The following FREM1 variants were observed in gnomAD, a reference collection of about 807,000 sequenced individuals.
FREM1 encodes FRAS1-related extracellular matrix protein 1.
FREM1 carries 220 observed loss-of-function variants against 210.1 expected under a neutral mutation model. The observed-to-expected ratio is 1.05, with a 90% CI of 0.94 to 1.17. FREM1 has a LOEUF of 1.17. FREM1 is among the 50% of genes most tolerant of loss of function. The pLI is 0.00. For missense variants in FREM1, 3,454 were observed against 2,675.5 expected, an observed-to-expected ratio of 1.29 and a Z score of -6.42; for synonymous variants, 1,189 against 980.2, an observed-to-expected ratio of 1.21 and a Z score of -3.98.
chr9:14,760,769 G>A (rs769979630), intron 27 of FREM1, among the ~76,000 whole-genome samples: 1 of 152,106 alleles, frequency 6.6e-6, no homozygotes, highest in Non-Finnish European at 1.5e-5. Flanking sequence ...CTCCCCAACT[G>A]AAGTTCTTTG....
rs557030618 is a variant in FREM1, at chr9:14,898,464, G to A, written c.-268+11450C>T. 3.3e-5 allele frequency among the ~76,000 whole-genome samples: 5 copies of A among 152,268 alleles called. 1 individual carries two copies. Among genetic ancestry groups the A allele is most frequent in the Admixed American group, 2.0e-4 (3 of 15,296 alleles). ...TTGTCAGAACCCATAGAATGCAGCC[G>A]GGTGTGGTGGCTCACACATGCAATT... On this transcript the variant is annotated intron_variant, in intron 1 of 36. Transcript: ENST00000380880.
chr9:14,851,184 G>T, intron 6 of FREM1, 100 bp downstream of exon 6: 1 of 830,248 alleles, frequency 1.2e-6, no homozygotes, highest in Non-Finnish European at 1.9e-6. Flanking sequence ...TCTTTTCTGA[G>T]GCAATGAATG....
At chr9:14,774,992 A>T (rs954014612) in intron 25 of FREM1, among the ~76,000 whole-genome samples, 2 of 152,216 alleles carry the variant, frequency 1.3e-5, no homozygotes, top group Non-Finnish European at 2.9e-5. Context: ...CACTAAAGGA[A>T]CTGCAATTGC....
intron 5 of FREM1, among the ~76,000 whole-genome samples, chr9:14,857,187 G>C (rs1828920314): frequency 6.6e-6 from 1 of 151,996 alleles, no homozygotes; most frequent in Non-Finnish European, 1.5e-5. Flanking sequence ...TGGACCCCCT[G>C]ATTTCAAGAA....
chr9:14,788,981 CA>C lies in FREM1; in HGVS notation c.4114del (p.Trp1372GlyfsTer41). ...QNQDSFTFYL[W>X]DGNNRSPALD... The stretch of plus-strand genomic sequence containing the variant: ...AGCAGGGGACCTGTTGTTGCCATCC[CA>C]AAGGTAGAAGGTGAAGCTATCTTGA... On this transcript the variant is annotated frameshift_variant, in exon 23 of 37. Transcript: ENST00000380880. LOFTEE classifies it high-confidence loss of function. 6.2e-7 allele frequency: 1 copy of C among 1,613,054 alleles called. No homozygotes were observed.
rs1564039248 is a variant in FREM1 at position 14,836,514 on chromosome 9, G to A, written c.1881+4933C>T. ...AATTATTAACAGGCTCAGGGAAAAT[G>A]CCGGCTTCAGCCCTGGGCGGCTACA... On this transcript the variant is annotated intron_variant, in intron 10 of 36. Transcript: ENST00000380880. This position sits in a 1 kb window ranked among gnomAD's most constrained non-coding sequence, Gnocchi z 4.9. Among the ~76,000 whole-genome samples, 1 of 152,164 alleles carries A rather than the reference G, an allele frequency of 6.6e-6. No homozygotes were observed. Among genetic ancestry groups the A allele is most frequent in the Non-Finnish European group, 1.5e-5 (1 of 68,028 alleles).
At position 14,841,433 on chromosome 9, in the gene FREM1, A is replaced by G; in HGVS notation, c.1881+14T>C. 1 of 1,579,480 alleles carries G rather than the reference A, an allele frequency of 6.3e-7. No individual in the cohort carries two copies. Among genetic ancestry groups the G allele is most frequent in the Non-Finnish European group, 8.6e-7 (1 of 1,156,718 alleles). On this transcript the variant is annotated intron_variant, in intron 10 of 36. Transcript: ENST00000380880. ...CACAAGACTTTGGGAAAGTGTTCAG[A>G]AACAGTCTCTTACCTGTGGCACTGA...
At chr9:14,809,130 G>A (rs557139579) in intron 16 of FREM1, among the ~76,000 whole-genome samples, 8 of 152,300 alleles carry the variant, frequency 5.3e-5, no homozygotes, top group African/African-American at 1.9e-4. Flanking sequence ...AGTCTCATGA[G>A]ATCCAATGGT....
At chr9:14,864,554 C>G (rs1316017479) in intron 2 of FREM1, among the ~76,000 whole-genome samples, 1 of 152,166 alleles carries the variant, frequency 6.6e-6, no homozygotes, top group African/African-American at 2.4e-5. Context: ...GCAATTTCCT[C>G]TATTCAAATA....
At chr9:14,885,615 T>C (rs1835675636) in intron 1 of FREM1, among the ~76,000 whole-genome samples, 1 of 151,918 alleles carries the variant, frequency 6.6e-6, no homozygotes, top group Non-Finnish European at 1.5e-5. Flanking sequence ...GGGATGGGAG[T>C]CTCACAATGT....
At chr9:14,853,887 G>A (rs557310652) in intron 5 of FREM1, among the ~76,000 whole-genome samples, 24 of 152,310 alleles carry the variant, frequency 1.6e-4, no homozygotes, top group Middle Eastern at 3.4e-3. Flanking sequence ...TTAATGCTAA[G>A]ACCAATTGAG....
chr9:14,875,234 G>C (rs940616748), intron 1 of FREM1, among the ~76,000 whole-genome samples: 1 of 152,164 alleles, frequency 6.6e-6, no homozygotes, highest in South Asian at 2.1e-4. Flanking sequence ...GATTGGGGAA[G>C]TTTTCCTGGA....
At chr9:14,873,865 T>G (rs13293334) in intron 1 of FREM1, among the ~76,000 whole-genome samples, 17 of 152,312 alleles carry the variant, frequency 1.1e-4, no homozygotes, top group South Asian at 1.0e-3. Context: ...CTGGTATGTT[T>G]TGTCTTTGTT....
chr9:14,788,919 C>T lies in FREM1; in HGVS notation c.4177G>A (p.Gly1393Ser). 6.2e-7 allele frequency: 1 copy of T among 1,608,894 alleles called. No individual in the cohort carries two copies. Among genetic ancestry groups the T allele is most frequent in the South Asian group, 1.1e-5 (1 of 89,772 alleles). The change falls in exon 23 of 37, where the codon GGT becomes AGT. Residue 1393 changes from glycine (G) to serine (S), a missense_variant and splice_region_variant. Physicochemically the swap from Gly to Ser is moderately conservative, Grantham distance 56. Coordinates refer to ENST00000380880, the MANE Select transcript of FREM1 (RefSeq NM_001379081.2). The part of the protein sequence containing the change: ...CQITIKDMEK[G>S]DIVILTKPLV... ...TAAACCTTGGTAGACGTGCTTTTAC[C>T]TTTTTCCATGTCCTTGATGGTGATT...
Position 14,801,890 on chromosome 9 carries a change from T to C in FREM1, c.3472-16A>G, listed in dbSNP as rs1344596019. ...CCTCACACACCTGAGCAAGAACACA[T>C]GAGAAAAGTCAACAATGCATAAAAG... On this transcript the variant is annotated splice_polypyrimidine_tract_variant and intron_variant, in intron 19 of 36. Transcript: ENST00000380880. 6.4e-7 allele frequency: 1 copy of C among 1,574,654 alleles called. No homozygotes were observed. The highest frequency in any genetic ancestry group is 2.3e-5 in the East Asian group (1 of 44,356).
intron 18 of FREM1, 71 bp downstream of exon 18, chr9:14,806,590 G>A (rs1818412755): frequency 2.2e-6 from 2 of 908,684 alleles, no homozygotes; most frequent in African/African-American, 1.6e-5. Flanking sequence ...AAGTTATTAA[G>A]CATGACCTGG....
At chr9:14,743,821 A>G (rs1304870007) in intron 35 of FREM1, among the ~76,000 whole-genome samples, 1 of 152,106 alleles carries the variant, frequency 6.6e-6, no homozygotes, top group Non-Finnish European at 1.5e-5. Context: ...GCATACTGCA[A>G]TCATCTTCTT....
At position 14,759,803 on chromosome 9, in the gene FREM1, T is replaced by A; in HGVS notation, c.5303A>T (p.Tyr1768Phe). 1 of 1,612,224 alleles carries A rather than the reference T, an allele frequency of 6.2e-7. No individual in the cohort carries two copies. Among genetic ancestry groups the A allele is most frequent in the South Asian group, 1.1e-5 (1 of 90,648 alleles). Residue 1768 changes from tyrosine to phenylalanine, a missense_variant, in exon 28 of 37, where the codon TAT becomes TTT. Transcript: ENST00000380880. Reference protein sequence around the residue: ...LLPLEIIRRGYSMDSAFVGIK... With the variant: ...LLPLEIIRRGFSMDSAFVGIK... Reference sequence around the variant, plus strand: ...ACCCACAAAGGCCGAGTCCATGGAATATCCCCTTCTGATAATTTCCAAGGG... The same window carrying A: ...ACCCACAAAGGCCGAGTCCATGGAAAATCCCCTTCTGATAATTTCCAAGGG...
Position 14,840,267 on chromosome 9 carries a change from C to G in FREM1, c.1881+1180G>C, listed in dbSNP as rs147746124. ...AAATTTGCTTGGATCCATATACAGGCTATCTTCCAAGATAATAGGTACAAA... is the reference window on the plus strand; with the variant it reads ...AAATTTGCTTGGATCCATATACAGGGTATCTTCCAAGATAATAGGTACAAA... On this transcript the variant is annotated intron_variant, in intron 10 of 36. Coordinates refer to ENST00000380880, the MANE Select transcript of FREM1 (RefSeq NM_001379081.2). Among the ~76,000 whole-genome samples, 913 of 152,284 alleles carry G rather than the reference C, an allele frequency of 6.0e-3. 8 individuals carry two copies. The highest frequency in any genetic ancestry group is 0.021 in the African/African-American group (853 of 41,548).
Sources: allele counts gnomAD v4.1 joint callset (sites outside exome capture counted in the v4.1 genomes callset), GRCh38; gene constraint gnomAD v4.1.1; non-coding constraint Gnocchi (gnomAD v3.1); transcripts MANE v1.5; gene names NCBI Gene and HGNC (gene_info 2026-07-23, HGNC 2026-07-21).